MINDY2: variants seen among roughly 807,000 people sequenced by gnomAD.
MINDY2 encodes the protein ubiquitin carboxyl-terminal hydrolase MINDY-2.
Under a neutral mutation model 68.2 loss-of-function variants are expected in MINDY2, and 52 were observed. That is an observed-to-expected ratio of 0.76 (90% CI 0.61 to 0.96). The LOEUF is 0.96. MINDY2 is among the 40% of genes least tolerant of loss of function. The probability of loss-of-function intolerance (pLI) is 0.00; values close to 1 mark genes in which losing one functional copy is unlikely to be tolerated. For missense variants in MINDY2, 881 were observed against 773.4 expected, an observed-to-expected ratio of 1.14 and a Z score of -1.65; for synonymous variants, 372 against 303.0, an observed-to-expected ratio of 1.23 and a Z score of -2.36.
At chr15:58,826,177 C>T (rs2031379294) in intron 5 of MINDY2, among the ~76,000 whole-genome samples, 1 of 149,412 alleles carries the variant, frequency 6.7e-6, no homozygotes, top group African/African-American at 2.5e-5. Flanking sequence ...GTAAATTTAC[C>T]AATTGTTGAT....
chr15:58,834,863 G>C (rs1193581407), intron 6 of MINDY2, among the ~76,000 whole-genome samples: 2 of 152,066 alleles, frequency 1.3e-5, no homozygotes, highest in African/African-American at 4.8e-5. Flanking sequence ...TCCTATCTTA[G>C]TTATAGCAAC....
intron 5 of MINDY2, among the ~76,000 whole-genome samples, chr15:58,823,174 G>A (rs1005535038): frequency 4.9e-5 from 5 of 102,658 alleles, no homozygotes; most frequent in Admixed American, 1.2e-4. Flanking sequence ...TTTCACTCTT[G>A]TTGCCCAGGC....
chr15:58,835,357 A>G (rs2031941388), intron 6 of MINDY2, among the ~76,000 whole-genome samples: 1 of 152,190 alleles, frequency 6.6e-6, no homozygotes, highest in African/African-American at 2.4e-5. Context: ...GGTCACATTT[A>G]AAATGATACC....
In MINDY2 at chr15:58,856,737, G is replaced by T. The variant is rs551655597; in HGVS notation, c.*2127G>T. 2.6e-5 allele frequency: 4 copies of T among 152,062 alleles called. No individual in the cohort carries two copies. The highest frequency in any genetic ancestry group is 5.9e-5 in the Non-Finnish European group (4 of 68,006). 9.4% of individuals were successfully genotyped at this position (152,062 alleles called of 1,614,324 possible). ...TCAAACCTCAGGGTTTGTTTTTCCC[G>T]GGACAGATAGTAGTGATAGTGCATT... On this transcript the variant is annotated 3_prime_UTR_variant, in exon 9 of 9. Transcript: ENST00000559228.
intron 1 of MINDY2, among the ~76,000 whole-genome samples, chr15:58,774,746 A>G (rs1477257462): frequency 6.6e-6 from 1 of 152,186 alleles, no homozygotes; most frequent in African/African-American, 2.4e-5. Context: ...CAAAGAGAAT[A>G]GTGTATTGAA....
chr15:58,832,748 A>C (rs2031801910), intron 6 of MINDY2, among the ~76,000 whole-genome samples: 1 of 151,264 alleles, frequency 6.6e-6, no homozygotes, highest in African/African-American at 2.4e-5. Context: ...GCTGGTCTCA[A>C]ACTCCCGACC....
At chr15:58,840,582 G>A (rs1277407468) in intron 6 of MINDY2, among the ~76,000 whole-genome samples, 7 of 150,402 alleles carry the variant, frequency 4.7e-5, no homozygotes, top group South Asian at 4.2e-4. Flanking sequence ...AATTAAACTG[G>A]GCGGATCCTC....
intron 2 of MINDY2, among the ~76,000 whole-genome samples, chr15:58,793,187 C>T (rs1440774659): frequency 2.0e-5 from 3 of 152,134 alleles, no homozygotes; most frequent in African/African-American, 4.8e-5. Context: ...CACAGTGGCT[C>T]ACGCCGTAAT....
At chr15:58,852,600 C>A (rs1435583065) in intron 8 of MINDY2, among the ~76,000 whole-genome samples, 1 of 152,150 alleles carries the variant, frequency 6.6e-6, no homozygotes, top group African/African-American at 2.4e-5. Flanking sequence ...TGTGGATTTG[C>A]ATTTCCTGCT....
chr15:58,848,741 A>G (rs555762577), intron 7 of MINDY2, among the ~76,000 whole-genome samples: 12 of 152,200 alleles, frequency 7.9e-5, no homozygotes, highest in Admixed American at 3.9e-4. Context: ...GCGAGACTCC[A>G]TCTCAAAACA....
At chr15:58,794,291 A>G (rs1902125186) in intron 2 of MINDY2, among the ~76,000 whole-genome samples, 1 of 151,948 alleles carries the variant, frequency 6.6e-6, no homozygotes, top group South Asian at 2.1e-4. Context: ...AATTTTTGGT[A>G]ATAATGAAAC....
At chr15:58,791,706 T>C (rs531594487) in intron 2 of MINDY2, among the ~76,000 whole-genome samples, 1 of 151,784 alleles carries the variant, frequency 6.6e-6, no homozygotes, top group Non-Finnish European at 1.5e-5. Flanking sequence ...TTTTTAATTT[T>C]ATATAATATA....
chr15:58,792,885 C>T (rs2140932505), intron 2 of MINDY2, among the ~76,000 whole-genome samples: 1 of 152,182 alleles, frequency 6.6e-6, no homozygotes, highest in Admixed American at 6.5e-5. Context: ...GCCTATGGTC[C>T]CAGCTACTTG....
chr15:58,801,279 T>C (rs1902633367), intron 2 of MINDY2, among the ~76,000 whole-genome samples: 2 of 150,904 alleles, frequency 1.3e-5, no homozygotes, highest in Admixed American at 1.3e-4. Flanking sequence ...CAGCCCAGTT[T>C]AGCTTTTACA....
At chr15:58,844,943 A>G (rs2032461537) in intron 6 of MINDY2, among the ~76,000 whole-genome samples, 1 of 113,956 alleles carries the variant, frequency 8.8e-6, no homozygotes, top group African/African-American at 3.2e-5. Context: ...AAAAAAAAAA[A>G]TGAAAGGACA....
chr15:58,847,353 T>A lies in MINDY2; in HGVS notation c.1425T>A (p.Val475=), dbSNP rs2032586902. Residue 475 remains valine, a synonymous_variant, in exon 7 of 9, where the codon GTT becomes GTA. Coordinates refer to ENST00000559228, the MANE Select transcript of MINDY2 (RefSeq NM_001040450.3). The stretch of plus-strand genomic sequence containing the variant: ...GGTTTCTTACTGAAGAGAAAGTTGT[T>A]TGGGAAAGCCTACACAACGTAGATG... ...DQGFLTEEKV[V]WESLHNVDGD... 6.2e-7 allele frequency: 1 copy of A among 1,602,158 alleles called. No homozygotes were observed. The highest frequency in any genetic ancestry group is 1.3e-5 in the African/African-American group (1 of 74,920).
intron 1 of MINDY2, among the ~76,000 whole-genome samples, chr15:58,774,590 A>G (rs1340074153): frequency 6.6e-6 from 1 of 152,126 alleles, no homozygotes; most frequent in African/African-American, 2.4e-5. Flanking sequence ...TATAAACAAT[A>G]ATTACAGTGC....
chr15:58,835,547 G>C (rs1306268961), intron 6 of MINDY2, among the ~76,000 whole-genome samples: 25 of 152,140 alleles, frequency 1.6e-4, no homozygotes. Context: ...CAGCTACTTG[G>C]GAGGCTGAGG....
chr15:58,841,548 G>A (rs2141044177), intron 6 of MINDY2, among the ~76,000 whole-genome samples: 1 of 151,884 alleles, frequency 6.6e-6, no homozygotes, highest in East Asian at 1.9e-4. Flanking sequence ...TGGGATTACA[G>A]GTGCATACCA....
Sources: gnomAD v4.1 joint callset for allele counts (sites outside exome capture counted in the v4.1 genomes callset) on GRCh38, gnomAD v4.1.1 for gene constraint, MANE v1.5 for transcripts, NCBI Gene and HGNC (gene_info 2026-07-23, HGNC 2026-07-21) for gene names.